Variants in CHD1 observed in about 807,000 individuals in gnomAD.
CHD1 encodes chromodomain helicase DNA binding protein 1, also known as ATP-dependent chromatin remodeler CHD1.
Under a neutral mutation model 224.2 loss-of-function variants are expected in CHD1, and 36 were observed. The observed-to-expected ratio is 0.16, with a 90% CI of 0.12 to 0.21. The LOEUF (loss-of-function observed/expected upper bound fraction) is 0.21, where lower values mean the gene tolerates loss of function less well. Among genes scored for constraint, CHD1 ranks in the 10% least tolerant of loss-of-function variants. CHD1 has a pLI of 1.00. For synonymous variants in CHD1, 668 were observed against 658.3 expected, an observed-to-expected ratio of 1.01 and a Z score of -0.23; for missense variants, 1,378 against 1,994.8, an observed-to-expected ratio of 0.69 and a Z score of 5.89.
chr5:98,882,735 A>G (rs993115803), intron 19 of CHD1, among the ~76,000 whole-genome samples: 1 of 152,228 alleles, frequency 6.6e-6, no homozygotes, highest in Middle Eastern at 3.2e-3. Flanking sequence ...CATGGACAAA[A>G]TATAGACTAA....
rs1747986806 is a variant in CHD1 at position 98,855,886 on chromosome 5, C to CG, written c.*493dup. On this transcript the variant is annotated 3_prime_UTR_variant, in exon 36 of 36. Coordinates refer to ENST00000614616, the MANE Select transcript of CHD1 (RefSeq NM_001270.4). ...AAATATTCAAGCTTGTGATGAAAAG[C>CG]GGCAAGGTGGTCGCAGTGTACAATG... 1 of 151,598 alleles carries CG rather than the reference C, an allele frequency of 6.6e-6. No individual in the cohort carries two copies. Among genetic ancestry groups the CG allele is most frequent in the African/African-American group, 2.4e-5 (1 of 41,174 alleles). The allele number at this position is 151,598 out of a possible 1,614,324, so 9.4% of individuals were successfully genotyped here.
rs772221799 is a variant in CHD1 at position 98,905,066 on chromosome 5, C to A, written c.86G>T (p.Gly29Val). The A allele has an allele frequency of 8.7e-6, 14 of 1,605,510 alleles. No individual in the cohort carries two copies. In the South Asian group the frequency reaches 1.5e-4, roughly 18 times the overall value. ...QSDDDSGSAS[G>V]SGSGSSSGSS... ...TCCAGAACTCGAACCAGATCCAGAGCCTGAAGCTGACCCAGAATCATCATC... is the reference window on the plus strand; with the variant it reads ...TCCAGAACTCGAACCAGATCCAGAGACTGAAGCTGACCCAGAATCATCATC... The change falls in exon 3 of 36, where the codon GGC becomes GTC. Residue 29 changes from glycine to valine, a missense_variant. Physicochemically the swap from Gly to Val is moderately radical, Grantham distance 109 (BLOSUM62 -3). Around this residue, in one of 16 missense-constraint regions of CHD1, gnomAD observed 306 missense variants for 298.1 expected, o/e 1.03. Coordinates refer to ENST00000614616, the MANE Select transcript of CHD1 (RefSeq NM_001270.4).
At chr5:98,911,176 T>TATATATATATATATATATATATAGAGAG (rs1561540185) in intron 2 of CHD1, among the ~76,000 whole-genome samples, 1 of 122,974 alleles carries the variant, frequency 8.1e-6, no homozygotes, top group Non-Finnish European at 1.7e-5. Context: ...TATATATATA[T>TATATATATATATATATATATATAGAGAG]AGAGGCATGT....
At chr5:98,863,649 A>G in intron 31 of CHD1, 63 bp from the exon 32 acceptor site, 1 of 1,088,240 alleles carries the variant, frequency 9.2e-7, no homozygotes, top group Non-Finnish European at 1.3e-6. Flanking sequence ...AACAAGGTCT[A>G]CCTCCTTCAA....
chr5:98,857,114 GAA>G (rs1340792102), intron 35 of CHD1, among the ~76,000 whole-genome samples: 1 of 152,008 alleles, frequency 6.6e-6, no homozygotes, highest in East Asian at 1.9e-4. Flanking sequence ...CTCTAAGCAG[GAA>G]AAAGTTTAAA....
At chr5:98,921,052 A>G (rs1249541050) in intron 2 of CHD1, among the ~76,000 whole-genome samples, 1 of 152,192 alleles carries the variant, frequency 6.6e-6, no homozygotes, top group Non-Finnish European at 1.5e-5. Flanking sequence ...TTTTTAAAAA[A>G]GAATAAAAAA....
chr5:98,884,137 G>A (rs1459303443), intron 18 of CHD1, among the ~76,000 whole-genome samples: 5 of 145,576 alleles, frequency 3.4e-5, no homozygotes, highest in Non-Finnish European at 6.0e-5. Context: ...GCAGTGGCGC[G>A]ATCTCGGTTC....
At chr5:98,898,589 G>C in intron 9 of CHD1, 75 bp downstream of exon 9, 1 of 1,234,326 alleles carries the variant, frequency 8.1e-7, no homozygotes, top group Non-Finnish European at 1.1e-6. Flanking sequence ...TGATATGTAA[G>C]TGGCAAACTT....
chr5:98,926,653 T>A (rs1219297252), intron 1 of CHD1, 119 bp from the exon 2 acceptor site: 3 of 237,210 alleles, frequency 1.3e-5, no homozygotes, highest in African/African-American at 6.7e-5. Flanking sequence ...AAGGAAGAAG[T>A]GGGGGCCTTT....
At position 98,919,571 on chromosome 5, in the gene CHD1, T is replaced by C. The variant is rs567763866; in HGVS notation, c.53+6763A>G. 8.5e-5 allele frequency among the ~76,000 whole-genome samples: 13 copies of C among 152,290 alleles called. No individual in the cohort carries two copies. In the East Asian group the frequency reaches 2.5e-3, roughly 29 times the overall value. ...AAATTCTAAAACTGCTTTACATGTA[T>C]ATTATGAGTGAATATATAAGCAGAT... On this transcript the variant is annotated intron_variant, in intron 2 of 35. Coordinates refer to ENST00000614616, the MANE Select transcript of CHD1 (RefSeq NM_001270.4).
At chr5:98,908,710 A>T (rs919818579) in intron 2 of CHD1, among the ~76,000 whole-genome samples, 7 of 152,172 alleles carry the variant, frequency 4.6e-5, no homozygotes, top group Admixed American at 2.6e-4. Context: ...TTATCCTTAA[A>T]GTGTATTAAA....
chr5:98,879,839 G>T, intron 22 of CHD1, 111 bp from the exon 23 acceptor site: 1 of 638,076 alleles, frequency 1.6e-6, no homozygotes, highest in Non-Finnish European at 2.6e-6. Flanking sequence ...CATGGCTGTG[G>T]ACTAAACCAA....
At position 98,856,675 on chromosome 5, in the gene CHD1, C is replaced by T; in HGVS notation, c.4838G>A (p.Arg1613Lys). ...TCCTTCCAAATTTGACCTGTGATCT[C>T]TACTCCTGTGATCATCCAGTTTTCT... is the stretch of plus-strand genomic sequence containing the variant. Reference protein sequence around the residue: ...KHRKLDDHRSRDHRSNLEGSL... With the variant: ...KHRKLDDHRSKDHRSNLEGSL... The change falls in exon 36 of 36, where the codon AGA becomes AAA. Residue 1613 changes from arginine to lysine, a missense_variant. Coordinates refer to ENST00000614616, the MANE Select transcript of CHD1 (RefSeq NM_001270.4). The T allele has an allele frequency of 6.2e-7, 1 of 1,613,538 alleles. No homozygotes were observed. Among genetic ancestry groups the T allele is most frequent in the African/African-American group, 1.3e-5 (1 of 75,022 alleles).
intron 32 of CHD1, among the ~76,000 whole-genome samples, chr5:98,862,630 A>G (rs544295390): frequency 2.0e-5 from 3 of 152,324 alleles, no homozygotes; most frequent in African/African-American, 7.2e-5. Flanking sequence ...TGTAATTTCA[A>G]TAAGATGTTC....
chr5:98,922,817 C>T (rs1753191858), intron 2 of CHD1, among the ~76,000 whole-genome samples: 3 of 152,062 alleles, frequency 2.0e-5, no homozygotes, highest in South Asian at 2.1e-4. Context: ...GACGAAACAC[C>T]GTCTCTGCTA....
chr5:98,890,416 T>C (rs899474990), intron 15 of CHD1, among the ~76,000 whole-genome samples: 1 of 152,152 alleles, frequency 6.6e-6, no homozygotes, highest in Admixed American at 6.5e-5. Flanking sequence ...ATAAAGAATA[T>C]TTTTCCTTAT....
At chr5:98,903,500 G>A (rs186688593) in intron 4 of CHD1, among the ~76,000 whole-genome samples, 156 of 151,648 alleles carry the variant, frequency 1.0e-3, no homozygotes, top group African/African-American at 3.7e-3. Context: ...ATGCGTGTAG[G>A]TGCATATCAC....
rs1285871075 is a variant in CHD1, at chr5:98,856,677, A to G, written c.4836T>C (p.Ser1612=). 3.1e-6 allele frequency: 5 copies of G among 1,612,896 alleles called. No homozygotes were observed. The highest frequency in any genetic ancestry group is 4.2e-6 in the Non-Finnish European group (5 of 1,179,184). Residue 1612 remains serine (S), a synonymous_variant, in exon 36 of 36, where the codon AGT becomes AGC. Coordinates refer to ENST00000614616, the MANE Select transcript of CHD1 (RefSeq NM_001270.4). ...CTTCCAAATTTGACCTGTGATCTCTACTCCTGTGATCATCCAGTTTTCTGT... is the reference window on the plus strand; with the variant it reads ...CTTCCAAATTTGACCTGTGATCTCTGCTCCTGTGATCATCCAGTTTTCTGT... ...EKHRKLDDHR[S]RDHRSNLEGS...
intron 10 of CHD1, 136 bp from the exon 11 acceptor site, chr5:98,897,456 ATG>A: frequency 1.6e-6 from 1 of 614,108 alleles, no homozygotes; most frequent in Non-Finnish European, 2.7e-6. Flanking sequence ...ATTACTCAAA[ATG>A]TACCTGAGGA....
Sources: gnomAD v4.1 joint callset for allele counts (sites outside exome capture counted in the v4.1 genomes callset) on GRCh38, gnomAD v4.1.1 for gene constraint, gnomAD v4.1.1 regional missense constraint, MANE v1.5 for transcripts, NCBI Gene and HGNC (gene_info 2026-07-23, HGNC 2026-07-21) for gene names.